Variants in AAMDC observed in about 807,000 individuals in gnomAD.
The protein encoded by AAMDC is adipogenesis associated Mth938 domain containing.
In AAMDC, 16 loss-of-function variants were observed where a neutral mutation model predicts 15.5. The ratio of observed to expected loss-of-function variants is 1.03; its 90% CI spans 0.70 to 1.57. The LOEUF (loss-of-function observed/expected upper bound fraction) is 1.57, where lower values mean the gene tolerates loss of function less well. AAMDC is among the 40% of genes most tolerant of loss of function. The pLI, the probability that AAMDC is intolerant of heterozygous loss-of-function variation, is 0.00. For synonymous variants in AAMDC, 51 were observed against 51.6 expected (o/e 0.99, Z 0.05); for missense variants, 141 against 144.9 (o/e 0.97, Z 0.14).
At chr11:77,886,516 G>C (rs747486062) in intron 5 of AAMDC, among the ~76,000 whole-genome samples, 4 of 152,216 alleles carry the variant, frequency 2.6e-5, no homozygotes, top group Non-Finnish European at 4.4e-5. Context: ...TGAAGCACGG[G>C]TAAACGGCGG....
chr11:77,851,204 C>T (rs774866048), intron 2 of AAMDC, among the ~76,000 whole-genome samples: 29 of 152,124 alleles, frequency 1.9e-4, no homozygotes, highest in Non-Finnish European at 2.6e-4. Context: ...CCACCTGCCT[C>T]GGCCTCCCAA....
chr11:77,898,593 T>C (rs111684421), intron 5 of AAMDC, among the ~76,000 whole-genome samples: 1 of 152,254 alleles, frequency 6.6e-6, no homozygotes, highest in Non-Finnish European at 1.5e-5. Flanking sequence ...TGTTTAACTT[T>C]TTATGCTGAT....
At chr11:77,883,813 C>T (rs1175310214) in intron 5 of AAMDC, 11 of 1,611,436 alleles carry the variant, frequency 6.8e-6, no homozygotes, top group Non-Finnish European at 9.3e-6. Flanking sequence ...CCCTTCCCAC[C>T]CTGGTCCTGA....
Position 77,844,372 on chromosome 11 carries a change from G to GT in AAMDC, c.132+1753dup, listed in dbSNP as rs368292063. Among the ~76,000 whole-genome samples the GT allele has an allele frequency of 5.3e-4, 80 of 150,314 alleles. 1 individual carries two copies. The highest frequency in any genetic ancestry group is 7.0e-3 in the Middle Eastern group (2 of 286). ...TTTACAGTTTTTTCTTTCTTTCTTTGTTTTTTTTTGGAGACAGTCTCCCTC... is the reference window on the plus strand; with the variant it reads ...TTTACAGTTTTTTCTTTCTTTCTTTGTTTTTTTTTTGGAGACAGTCTCCCTC... On this transcript the variant is annotated intron_variant, in intron 2 of 3. Coordinates refer to ENST00000393427, the MANE Select transcript of AAMDC (RefSeq NM_024684.4).
chr11:77,891,966 C>T lies in AAMDC; in HGVS notation c.329-8605C>T, dbSNP rs148251558. On this transcript the variant is annotated intron_variant, in intron 5 of 5. Coordinates refer to the AAMDC transcript ENST00000304716. ...TGAAGTGAGAGGAGCTTGCAGTTTA[C>T]GACCAAGATAGACTGGTACCTATAC... is the stretch of plus-strand genomic sequence containing the variant. The T allele has an allele frequency of 5.9e-4, 883 of 1,492,648 alleles. 4 individuals are homozygous for T. In the African/African-American group the frequency reaches 0.011, roughly 18 times the overall value. The allele number at this position is 1,492,648 out of a possible 1,614,324, so 92.5% of individuals were successfully genotyped here.
intron 5 of AAMDC, among the ~76,000 whole-genome samples, chr11:77,898,963 T>G (rs1163550563): frequency 6.6e-6 from 1 of 152,182 alleles, no homozygotes; most frequent in Non-Finnish European, 1.5e-5. Flanking sequence ...GAGGTTGCAG[T>G]GAGTTGAGAT....
intron 1 of AAMDC, among the ~76,000 whole-genome samples, chr11:77,830,987 CA>C (rs59283485): frequency 0.048 from 4,816 of 100,382 alleles, 121 homozygotes; most frequent in African/African-American, 0.1. Flanking sequence ...CAAAATATAC[CA>C]AAAAAAAAAA....
chr11:77,901,639 G>A (rs1024456757), downstream of AAMDC: 21 of 967,640 alleles, frequency 2.2e-5, no homozygotes, highest in African/African-American at 3.5e-4. Context: ...ATGACCTTAG[G>A]TGAAACTCTT....
intron 5 of AAMDC, chr11:77,883,811 A>G: frequency 1.2e-6 from 2 of 1,610,482 alleles, no homozygotes; most frequent in African/African-American, 1.3e-5. Flanking sequence ...TTCCCTTCCC[A>G]CCCTGGTCCT....
At chr11:77,830,987 CAAA>C (rs59283485) in intron 1 of AAMDC, among the ~76,000 whole-genome samples, 2,160 of 100,492 alleles carry the variant, frequency 0.021, 24 homozygotes, top group Non-Finnish European at 0.031. Flanking sequence ...CAAAATATAC[CAAA>C]AAAAAAAAAA....
intron 5 of AAMDC, among the ~76,000 whole-genome samples, chr11:77,900,112 TA>T (rs1952713311): frequency 6.7e-6 from 1 of 149,892 alleles, no homozygotes; most frequent in Non-Finnish European, 1.5e-5. Flanking sequence ...TTTTTTTTTT[TA>T]TATAAAGATG....
intron 5 of AAMDC, among the ~76,000 whole-genome samples, chr11:77,878,103 T>C (rs185892813): frequency 5.4e-4 from 82 of 152,200 alleles, no homozygotes; most frequent in African/African-American, 9.9e-4. Flanking sequence ...TTGCTCACAC[T>C]TGTAATCCCA....
At chr11:77,866,986 G>A (rs572172307) in intron 2 of AAMDC, among the ~76,000 whole-genome samples, 5 of 151,994 alleles carry the variant, frequency 3.3e-5, no homozygotes, top group African/African-American at 2.4e-5. Flanking sequence ...AATTACAGGC[G>A]CATGTCACCA....
rs922105077 is a variant in AAMDC, at chr11:77,889,190, G to A, written c.329-11381G>A. 1.6e-4 allele frequency among the ~76,000 whole-genome samples: 24 copies of A among 152,244 alleles called. 1 individual carries two copies. Among genetic ancestry groups the A allele is most frequent in the African/African-American group, 5.1e-4 (21 of 41,518 alleles). ...GGAACCAACCCAAATGTCCAACAAC[G>A]ATAGACTGGATTAAGAAAATGTGGC... On this transcript the variant is annotated intron_variant, in intron 5 of 5. Coordinates refer to the AAMDC transcript ENST00000304716.
intron 1 of AAMDC, chr11:77,831,967 C>G (rs1565196922): frequency 6.7e-6 from 1 of 149,336 alleles, no homozygotes; most frequent in East Asian, 2.0e-4. Context: ...ACTTCGGCCT[C>G]TCAGAAGTGC....
At chr11:77,837,483 C>T (rs1949736770) in intron 1 of AAMDC, among the ~76,000 whole-genome samples, 1 of 145,680 alleles carries the variant, frequency 6.9e-6, no homozygotes, top group African/African-American at 2.6e-5. Flanking sequence ...GAGATGGAGT[C>T]TCGCTCTGTC....
intron 5 of AAMDC, among the ~76,000 whole-genome samples, chr11:77,896,194 ACAG>A (rs775377970): frequency 1.7e-4 from 26 of 152,208 alleles, no homozygotes; most frequent in Non-Finnish European, 2.8e-4. Flanking sequence ...TGCTACAGAA[ACAG>A]CAGATGACAA....
chr11:77,876,337 T>A (rs1168652447), downstream of AAMDC, among the ~76,000 whole-genome samples: 1 of 152,024 alleles, frequency 6.6e-6, no homozygotes, highest in Non-Finnish European at 1.5e-5. Context: ...TGCGTATTCA[T>A]TTGTAAATGA....
At chr11:77,846,891 G>A (rs1200860858) in intron 2 of AAMDC, among the ~76,000 whole-genome samples, 1 of 151,946 alleles carries the variant, frequency 6.6e-6, no homozygotes, top group Admixed American at 6.6e-5. Flanking sequence ...TGCCATTTGG[G>A]ATCTGTCCCA....
Sources: gnomAD v4.1 joint callset for allele counts (sites outside exome capture counted in the v4.1 genomes callset) on GRCh38, gnomAD v4.1.1 for gene constraint, MANE v1.5 for transcripts, NCBI Gene and HGNC (gene_info 2026-07-23, HGNC 2026-07-21) for gene names.